Variants in FAM171A1 observed in about 807,000 individuals in gnomAD.
FAM171A1 encodes the protein protein FAM171A1.
In FAM171A1, 23 loss-of-function variants were observed where a neutral mutation model predicts 74.9. The observed-to-expected ratio is 0.31, with a 90% confidence interval of 0.22 to 0.44. The LOEUF (loss-of-function observed/expected upper bound fraction) is 0.44, where lower values mean the gene tolerates loss of function less well. Among genes scored for constraint, FAM171A1 ranks in the 20% least tolerant of loss-of-function variants. The pLI, the probability that FAM171A1 is intolerant of heterozygous loss-of-function variation, is 1.00. For synonymous variants in FAM171A1, 527 were observed against 505.7 expected (o/e 1.04, Z -0.57); for missense variants, 1,162 against 1,159.2 (o/e 1.00, Z -0.03).
chr10:15,281,796 G>C (rs1315721946), intron 2 of FAM171A1, among the ~76,000 whole-genome samples: 2 of 152,188 alleles, frequency 1.3e-5, no homozygotes, highest in East Asian at 3.9e-4. Flanking sequence ...GGGAGGTGGA[G>C]ATTGCAGTGA....
In FAM171A1 at chr10:15,323,846, TA is replaced by T. The variant is rs879932896; in HGVS notation, c.98-39742del. 2.8e-3 allele frequency among the ~76,000 whole-genome samples: 404 copies of T among 143,518 alleles called. 3 individuals carry two copies. The highest frequency in any genetic ancestry group is 5.6e-3 in the African/African-American group (222 of 39,296). The allele number at this position is 143,518 out of a possible 152,430, so 94.2% of individuals were successfully genotyped here. ...CAGTGCCTAGTCTACTTTCAACAAT[TA>T]AAAAAAAAAAATCCTTAAACACAGT... On this transcript the variant is annotated intron_variant, in intron 1 of 7. Transcript: ENST00000378116.
chr10:15,316,810 C>A (rs1007833675), intron 1 of FAM171A1, among the ~76,000 whole-genome samples: 9 of 152,212 alleles, frequency 5.9e-5, no homozygotes, highest in African/African-American at 1.9e-4. Flanking sequence ...GGATATCTGG[C>A]AACAACCATC....
intron 1 of FAM171A1, among the ~76,000 whole-genome samples, chr10:15,344,585 T>G (rs1197586342): frequency 6.6e-6 from 1 of 152,188 alleles, no homozygotes; most frequent in Non-Finnish European, 1.5e-5. Context: ...AAATTTCAGA[T>G]GACAAACAAA....
chr10:15,325,000 A>T (rs1015555333), intron 1 of FAM171A1, among the ~76,000 whole-genome samples: 1 of 152,228 alleles, frequency 6.6e-6, no homozygotes, highest in Non-Finnish European at 1.5e-5. Flanking sequence ...AAGACTTGCG[A>T]AAAGCTAGAG....
At chr10:15,330,710 CTTCTTT>C (rs1835618098) in intron 1 of FAM171A1, among the ~76,000 whole-genome samples, 1 of 69,514 alleles carries the variant, frequency 1.4e-5, no homozygotes. Flanking sequence ...TTTTCTTCTT[CTTCTTT>C]TTTTTTTTTT....
At chr10:15,284,508 G>A (rs753711832) in intron 1 of FAM171A1, among the ~76,000 whole-genome samples, 9 of 151,928 alleles carry the variant, frequency 5.9e-5, no homozygotes, top group South Asian at 2.1e-4. Context: ...CTGCAGTCTC[G>A]ATCTCCTGGG....
intron 1 of FAM171A1, among the ~76,000 whole-genome samples, chr10:15,330,812 G>T (rs1190400577): frequency 7.0e-6 from 1 of 143,542 alleles, no homozygotes; most frequent in African/African-American, 2.6e-5. Context: ...CCACCTCCCA[G>T]GTTTGAGCAA....
intron 1 of FAM171A1, among the ~76,000 whole-genome samples, chr10:15,286,861 T>C (rs936743641): frequency 1.3e-5 from 2 of 152,198 alleles, no homozygotes; most frequent in African/African-American, 4.8e-5. Flanking sequence ...TTTGAGGAGC[T>C]CTGAGCTATG....
At chr10:15,223,728 G>A (rs1239487092) in intron 5 of FAM171A1, among the ~76,000 whole-genome samples, 5 of 152,156 alleles carry the variant, frequency 3.3e-5, no homozygotes, top group East Asian at 1.9e-4. Context: ...GCAAAACCCC[G>A]TCTCTACTAA....
At chr10:15,285,289 C>G (rs1835022394) in intron 1 of FAM171A1, among the ~76,000 whole-genome samples, 1 of 152,108 alleles carries the variant, frequency 6.6e-6, no homozygotes, top group South Asian at 2.1e-4. Flanking sequence ...GCGTAGGAGG[C>G]TGGAGAGGCA....
At chr10:15,310,413 G>A (rs777171018) in intron 1 of FAM171A1, among the ~76,000 whole-genome samples, 1 of 152,172 alleles carries the variant, frequency 6.6e-6, no homozygotes, top group Non-Finnish European at 1.5e-5. Flanking sequence ...GCAGAGCTGA[G>A]ATGCAAACTG....
At chr10:15,283,694 C>T (rs1023328190) in intron 2 of FAM171A1, among the ~76,000 whole-genome samples, 184 bp downstream of exon 2, 6 of 152,194 alleles carry the variant, frequency 3.9e-5, no homozygotes, top group African/African-American at 1.4e-4. Context: ...AAGCAATCCT[C>T]CCACCTCAAC....
chr10:15,331,880 C>CATATACATATATATATATATATATAT (rs369794100), intron 1 of FAM171A1, among the ~76,000 whole-genome samples: 9 of 59,668 alleles, frequency 1.5e-4, no homozygotes, highest in African/African-American at 5.6e-4. Flanking sequence ...TGTGTGTATA[C>CATATACATATATATATATATATATAT]ATATATATAT....
In FAM171A1 at chr10:15,309,951, C is replaced by T. The variant is rs117641365; in HGVS notation, c.98-25846G>A. On this transcript the variant is annotated intron_variant, in intron 1 of 7. Transcript: ENST00000378116. ...AAAAGATATGTTTAATTTCTAACCT[C>T]TAATCTCTAACGTTTGTAGTCTCTG... Among the ~76,000 whole-genome samples, 104 of 152,312 alleles carry T rather than the reference C, an allele frequency of 6.8e-4. No homozygotes were observed. In the East Asian group the frequency reaches 0.017, roughly 25 times the overall value.
At chr10:15,257,974 C>T (rs1481268329) in intron 3 of FAM171A1, among the ~76,000 whole-genome samples, 1 of 152,154 alleles carries the variant, frequency 6.6e-6, no homozygotes, top group Non-Finnish European at 1.5e-5. Flanking sequence ...AGGGCTCCAT[C>T]CCCATCCCCA....
chr10:15,258,740 C>T (rs749699061), intron 3 of FAM171A1, among the ~76,000 whole-genome samples: 1 of 152,214 alleles, frequency 6.6e-6, no homozygotes, highest in Non-Finnish European at 1.5e-5. Context: ...CTCCTGCCCA[C>T]AATCCCCTTC....
chr10:15,213,197 A>C lies in FAM171A1; in HGVS notation c.2391T>G (p.Ser797Arg). 6.2e-7 allele frequency: 1 copy of C among 1,612,318 alleles called. No individual in the cohort carries two copies. Among genetic ancestry groups the C allele is most frequent in the Non-Finnish European group, 8.5e-7 (1 of 1,179,590 alleles). ...QLVYLDDVEQSGSECGTTVCT... is the reference protein window; with the variant it reads ...QLVYLDDVEQRGSECGTTVCT... ...AGACCGTGGTCCCACATTCGCTACC[A>C]CTCTGTTCCACGTCATCCAGGTACA... Residue 797 changes from serine to arginine, a missense_variant, in exon 8 of 8, where the codon AGT becomes AGG. Coordinates refer to ENST00000378116, the MANE Select transcript of FAM171A1 (RefSeq NM_001010924.2). This position sits in a 1 kb window ranked among gnomAD's most constrained non-coding sequence, Gnocchi z 6.8.
chr10:15,366,456 C>T (rs1054262414), intron 1 of FAM171A1, among the ~76,000 whole-genome samples: 1 of 152,132 alleles, frequency 6.6e-6, no homozygotes, highest in Admixed American at 6.6e-5. Flanking sequence ...AAAATATATT[C>T]AGTTCTGTGT....
At chr10:15,353,942 C>G (rs1183280929) in intron 1 of FAM171A1, among the ~76,000 whole-genome samples, 1 of 152,220 alleles carries the variant, frequency 6.6e-6, no homozygotes. Context: ...TTCAATCAGG[C>G]CGTGGGCATG....
Sources: gnomAD v4.1 joint callset for allele counts (sites outside exome capture counted in the v4.1 genomes callset) on GRCh38, gnomAD v4.1.1 for gene constraint, Gnocchi (gnomAD v3.1) non-coding constraint, MANE v1.5 for transcripts, NCBI Gene and HGNC (gene_info 2026-07-23, HGNC 2026-07-21) for gene names.